The following FOCAD variants were observed in gnomAD, a reference collection of about 807,000 sequenced individuals.
The protein encoded by FOCAD is focadhesin.
A neutral mutation model predicts 225.6 loss-of-function variants in FOCAD; 198 were observed. That is an observed-to-expected ratio of 0.88 (90% confidence interval 0.78 to 0.99). The LOEUF (loss-of-function observed/expected upper bound fraction) is 0.99, where lower values mean the gene tolerates loss of function less well. Ranked by LOEUF, FOCAD falls within the 50% of genes least tolerant of loss-of-function variation. The pLI is 0.00. For missense variants in FOCAD, 2,713 were observed against 2,123.6 expected (o/e 1.28, Z -5.46); for synonymous variants, 897 against 755.0 (o/e 1.19, Z -3.08).
chr9:20,847,472 A>AT lies in FOCAD; in HGVS notation c.1921-15090dup, dbSNP rs11338930. Among the ~76,000 whole-genome samples the AT allele has an allele frequency of 1.2e-3, 176 of 142,900 alleles. 1 individual carries two copies. The highest frequency in any genetic ancestry group is 1.7e-3 in the African/African-American group (68 of 38,956). 93.7% of individuals were successfully genotyped at this position (142,900 alleles called of 152,430 possible). The stretch of plus-strand genomic sequence containing the variant: ...GAAGCTGTTTAGTCCATCTGCTCAG[A>AT]TTTTTTTTTTTTTTTTAGATTCATG... On this transcript the variant is annotated intron_variant, in intron 15 of 43. Transcript: ENST00000338382.
At chr9:20,879,651 A>G (rs1361856929) in intron 19 of FOCAD, among the ~76,000 whole-genome samples, 1 of 152,176 alleles carries the variant, frequency 6.6e-6, no homozygotes, top group African/African-American at 2.4e-5. Context: ...TTCTTTTTAA[A>G]TTCCCATCTG....
chr9:20,665,378 C>A (rs1033076012), intron 2 of FOCAD, among the ~76,000 whole-genome samples: 5 of 152,044 alleles, frequency 3.3e-5, no homozygotes, highest in African/African-American at 9.7e-5. Context: ...GACAATAAAG[C>A]CCAACTCTTT....
At chr9:20,922,318 C>T (rs1834513871) in intron 24 of FOCAD, among the ~76,000 whole-genome samples, 1 of 150,782 alleles carries the variant, frequency 6.6e-6, no homozygotes, top group Non-Finnish European at 1.5e-5. Context: ...TTTTGACAGG[C>T]CTTATAGAGG....
At chr9:20,686,345 C>T (rs571416543) in intron 1 of FOCAD, among the ~76,000 whole-genome samples, 2 of 152,108 alleles carry the variant, frequency 1.3e-5, no homozygotes, top group Non-Finnish European at 2.9e-5. Context: ...TTAGTAGAGA[C>T]GGAGTTTCAC....
chr9:20,984,173 C>T (rs1840953606), intron 39 of FOCAD, among the ~76,000 whole-genome samples: 1 of 152,180 alleles, frequency 6.6e-6, no homozygotes, highest in Non-Finnish European at 1.5e-5. Flanking sequence ...AGAACACAGA[C>T]TCCCTCAGTT....
intron 15 of FOCAD, among the ~76,000 whole-genome samples, chr9:20,856,406 C>G (rs1339487052): frequency 6.6e-6 from 1 of 151,922 alleles, no homozygotes; most frequent in East Asian, 1.9e-4. Flanking sequence ...AATATCTATT[C>G]AGATGTTTTG....
At chr9:20,976,623 T>A (rs1274475549) in intron 36 of FOCAD, 75 bp downstream of exon 36, 11 of 1,469,008 alleles carry the variant, frequency 7.5e-6, no homozygotes, top group Non-Finnish European at 1.0e-5. Context: ...AGATTCTGTG[T>A]CACAATGTGT....
intron 15 of FOCAD, among the ~76,000 whole-genome samples, chr9:20,848,875 A>G (rs1827377389): frequency 6.6e-6 from 1 of 151,688 alleles, no homozygotes; most frequent in South Asian, 2.1e-4. Flanking sequence ...TATTATTATT[A>G]TTATTTTAAT....
At chr9:20,769,028 CA>C in intron 7 of FOCAD, among the ~76,000 whole-genome samples, 1 of 152,162 alleles carries the variant, frequency 6.6e-6, no homozygotes, top group East Asian at 1.9e-4. Context: ...AATATATTGT[CA>C]AGTAAACATT....
chr9:20,924,822 A>G (rs1438746450), intron 25 of FOCAD, among the ~76,000 whole-genome samples: 1 of 152,224 alleles, frequency 6.6e-6, no homozygotes, highest in Non-Finnish European at 1.5e-5. Flanking sequence ...GGCAACAGGT[A>G]CTAATGAAAC....
At chr9:20,796,528 C>G (rs1190051308) in intron 11 of FOCAD, among the ~76,000 whole-genome samples, 1 of 152,156 alleles carries the variant, frequency 6.6e-6, no homozygotes, top group Non-Finnish European at 1.5e-5. Flanking sequence ...GAGATGGTAT[C>G]TTATTGTGGT....
At chr9:20,666,926 G>C (rs1040929185) in intron 2 of FOCAD, among the ~76,000 whole-genome samples, 12 of 151,984 alleles carry the variant, frequency 7.9e-5, no homozygotes, top group African/African-American at 2.9e-4. Context: ...CTATGTCTTT[G>C]ATATTCCTGA....
intron 23 of FOCAD, 76 bp from the exon 24 acceptor site, chr9:20,916,817 T>A: frequency 7.4e-7 from 1 of 1,344,312 alleles, no homozygotes; most frequent in Non-Finnish European, 1.0e-6. Flanking sequence ...GAGGTTCTTA[T>A]TAATTGATGA....
intron 23 of FOCAD, among the ~76,000 whole-genome samples, chr9:20,915,852 A>G (rs1833824610): frequency 6.6e-6 from 1 of 152,194 alleles, no homozygotes; most frequent in Non-Finnish European, 1.5e-5. Context: ...AAATGTAAGT[A>G]TACATAGGTC....
rs1359128758 is a variant in FOCAD, at chr9:20,949,661, A to G, written c.3934A>G (p.Arg1312Gly). The G allele has an allele frequency of 1.9e-6, 3 of 1,612,664 alleles. No individual in the cohort carries two copies. Among genetic ancestry groups the G allele is most frequent in the South Asian group, 2.2e-5 (2 of 91,028 alleles). Residue 1312 changes from arginine (R) to glycine (G), a missense_variant, in exon 33 of 44, where the codon AGA (arginine) becomes GGA (glycine). Transcript: ENST00000338382. ...HFQGRLNEVI[R>G]TLTQVISVSG... ...TCAAGGCAGACTTAATGAAGTCATT[A>G]GAACCTTAACTCAGGTGAGAAAATG... is the stretch of plus-strand genomic sequence containing the variant.
chr9:20,669,924 G>A (rs914767555), intron 2 of FOCAD, among the ~76,000 whole-genome samples: 1 of 152,188 alleles, frequency 6.6e-6, no homozygotes, highest in African/African-American at 2.4e-5. Flanking sequence ...TACTCATGAA[G>A]CCCAGATTCT....
rs868001497 is a variant in FOCAD at position 20,832,596 on chromosome 9, A to T, written c.1920+9481A>T. Among the ~76,000 whole-genome samples the T allele has an allele frequency of 4.6e-5, 7 of 152,028 alleles. No homozygotes were observed. In the South Asian group the frequency reaches 6.2e-4, roughly 13 times the overall value. ...TTTTAAAATGTACAATTGAGTTATT[A>T]TTGACTGTAGTCACTCAATTGTGCT... is the stretch of plus-strand genomic sequence containing the variant. On this transcript the variant is annotated intron_variant, in intron 15 of 43. Coordinates refer to ENST00000338382, the MANE Select transcript of FOCAD (RefSeq NM_001375567.1).
chr9:20,812,447 T>G (rs1823187792), intron 11 of FOCAD, among the ~76,000 whole-genome samples: 1 of 152,088 alleles, frequency 6.6e-6, no homozygotes, highest in African/African-American at 2.4e-5. Flanking sequence ...TAGAACTGTC[T>G]GAAAAATTAT....
In FOCAD at chr9:20,764,956, C is replaced by T; in HGVS notation, c.582C>T (p.Leu194=). 2 of 1,614,084 alleles carry T rather than the reference C, an allele frequency of 1.2e-6. No homozygotes were observed. The highest frequency in any genetic ancestry group is 1.1e-5 in the South Asian group (1 of 91,078). ...CTCAGTTACAAGAATATGCTAAACTCCGACTAGCCCTGCTGAAAGTCTTAC... is the reference window on the plus strand; with the variant it reads ...CTCAGTTACAAGAATATGCTAAACTTCGACTAGCCCTGCTGAAAGTCTTAC... ...EPSQLQEYAK[L]RLALLKVLLQ... is the part of the protein sequence containing the mutation. The change falls in exon 7 of 44, where the codon CTC becomes CTT. Residue 194 remains leucine (L), a synonymous_variant. Coordinates refer to ENST00000338382, the MANE Select transcript of FOCAD (RefSeq NM_001375567.1).
Sources: allele counts gnomAD v4.1 joint callset (sites outside exome capture counted in the v4.1 genomes callset), GRCh38; gene constraint gnomAD v4.1.1; transcripts MANE v1.5; gene names NCBI Gene and HGNC (gene_info 2026-07-23, HGNC 2026-07-21).